Variants in GRIK2 observed in about 807,000 individuals in gnomAD.
The protein encoded by GRIK2 is glutamate ionotropic receptor kainate type subunit 2.
In GRIK2, 32 loss-of-function variants were observed where a neutral mutation model predicts 100.3. That is an observed-to-expected ratio of 0.32 (90% CI 0.24 to 0.43). The LOEUF (loss-of-function observed/expected upper bound fraction) is 0.43. Among genes scored for constraint, GRIK2 ranks in the 20% least tolerant of loss-of-function variants. The pLI, the probability that GRIK2 is intolerant of heterozygous loss-of-function variation, is 1.00. For missense variants in GRIK2, 843 were observed against 1,114.9 expected, an observed-to-expected ratio of 0.76 and a Z score of 3.47; for synonymous variants, 417 against 389.4, an observed-to-expected ratio of 1.07 and a Z score of -0.83.
chr6:101,739,906 G>A (rs2128376827), intron 7 of GRIK2, among the ~76,000 whole-genome samples: 1 of 152,168 alleles, frequency 6.6e-6, no homozygotes, highest in African/African-American at 2.4e-5. Context: ...TGGTTTTGGA[G>A]CAGGGATTTT....
Position 101,686,265 on chromosome 6 carries a change from A to C in GRIK2, c.863A>C (p.Gln288Pro), listed in dbSNP as rs1288278309. ...AGAATATTAAATACAGAAAATACCCAAGTCTCCTCCATCATTGAAAAGTGG... is the reference window on the plus strand; with the variant it reads ...AGAATATTAAATACAGAAAATACCCCAGTCTCCTCCATCATTGAAAAGTGG... ...GFRILNTENT[Q>P]VSSIIEKWSM... is the part of the protein sequence containing the mutation. Residue 288 changes from glutamine to proline, a missense_variant, in exon 7 of 17, where the codon CAA (glutamine) becomes CCA (proline). Coordinates refer to ENST00000369134, the MANE Select transcript of GRIK2 (RefSeq NM_021956.5). 1 of 1,612,990 alleles carries C rather than the reference A, an allele frequency of 6.2e-7. No homozygotes were observed. The highest frequency in any genetic ancestry group is 2.2e-5 in the East Asian group (1 of 44,824).
rs1792794180 is a variant in GRIK2 at position 101,967,943 on chromosome 6, T to TAA, written c.2085+39313_2085+39314dup. Among the ~76,000 whole-genome samples, 4 of 146,498 alleles carry TAA rather than the reference T, an allele frequency of 2.7e-5. No individual in the cohort carries two copies. In the South Asian group the frequency reaches 8.8e-4, roughly 32 times the overall value. On this transcript the variant is annotated intron_variant, in intron 14 of 16. Coordinates refer to ENST00000369134, the MANE Select transcript of GRIK2 (RefSeq NM_021956.5). ...ACAACCCCTCCCACCCCCCACCATA[T>TAA]AAACAGTAGGAGAAATAGGAGGAAA... is the stretch of plus-strand genomic sequence containing the variant.
intron 14 of GRIK2, among the ~76,000 whole-genome samples, chr6:102,008,848 G>A (rs1011733081): frequency 6.6e-6 from 1 of 151,628 alleles, no homozygotes; most frequent in Non-Finnish European, 1.5e-5. Flanking sequence ...TAAATCTCAA[G>A]GAAAAAACTT....
At chr6:101,874,291 A>G (rs1250709237) in intron 11 of GRIK2, among the ~76,000 whole-genome samples, 1 of 152,024 alleles carries the variant, frequency 6.6e-6, no homozygotes, top group Admixed American at 6.6e-5. Context: ...TAAGGAAGGG[A>G]TCCAGTTTCA....
intron 4 of GRIK2, among the ~76,000 whole-genome samples, chr6:101,651,869 T>G (rs996847419): frequency 6.6e-6 from 1 of 152,048 alleles, no homozygotes; most frequent in Admixed American, 6.6e-5. Context: ...TGAAATTGGA[T>G]GAGATCATCA....
chr6:101,617,069 A>C (rs1218131013), intron 2 of GRIK2, among the ~76,000 whole-genome samples: 3 of 151,658 alleles, frequency 2.0e-5, no homozygotes, highest in Non-Finnish European at 4.4e-5. Flanking sequence ...TCAAATATTG[A>C]AGCTACATTT....
chr6:101,903,284 A>G (rs12198230), intron 12 of GRIK2, among the ~76,000 whole-genome samples: 14,373 of 151,800 alleles, frequency 0.095, 841 homozygotes, highest in Middle Eastern at 0.2. Flanking sequence ...AAGTGATATT[A>G]TTGGGTATGT....
At chr6:102,058,739 A>G (rs1169713276) in intron 16 of GRIK2, among the ~76,000 whole-genome samples, 3 of 151,504 alleles carry the variant, frequency 2.0e-5, no homozygotes, top group Non-Finnish European at 4.4e-5. Context: ...TTATATTTCA[A>G]AAATAAGGTA....
At chr6:101,956,322 C>G (rs1325109071) in intron 14 of GRIK2, among the ~76,000 whole-genome samples, 4 of 151,982 alleles carry the variant, frequency 2.6e-5, no homozygotes, top group African/African-American at 7.2e-5. Flanking sequence ...AATTTTATAT[C>G]TATTTGGAGA....
intron 9 of GRIK2, among the ~76,000 whole-genome samples, chr6:101,805,015 T>G (rs1246723887): frequency 6.6e-6 from 1 of 151,934 alleles, no homozygotes. Flanking sequence ...CTTTACTTTT[T>G]GTGGACAAAT....
intron 12 of GRIK2, among the ~76,000 whole-genome samples, chr6:101,917,504 C>T (rs1043188323): frequency 7.9e-5 from 12 of 151,390 alleles, no homozygotes; most frequent in South Asian, 2.1e-4. Flanking sequence ...AAGTTTTTAA[C>T]GTATATGGGT....
chr6:101,651,677 T>G (rs754449636), intron 4 of GRIK2, among the ~76,000 whole-genome samples: 11 of 152,036 alleles, frequency 7.2e-5, no homozygotes, highest in Non-Finnish European at 1.3e-4. Flanking sequence ...TACATTAAAG[T>G]GAGAACTTAA....
intron 7 of GRIK2, among the ~76,000 whole-genome samples, chr6:101,724,961 C>G (rs1774756647): frequency 6.6e-6 from 1 of 152,002 alleles, no homozygotes; most frequent in South Asian, 2.1e-4. Context: ...TTTTCTGTCT[C>G]TTTTTCACTT....
chr6:101,619,430 T>A (rs1284296739), intron 2 of GRIK2, among the ~76,000 whole-genome samples: 2 of 151,824 alleles, frequency 1.3e-5, no homozygotes, highest in Non-Finnish European at 2.9e-5. Context: ...GAATTTGAAT[T>A]ATTATTTTAA....
chr6:101,676,022 G>C (rs1283001972), intron 4 of GRIK2, among the ~76,000 whole-genome samples: 1 of 152,106 alleles, frequency 6.6e-6, no homozygotes. Context: ...TTAGGTGCGT[G>C]ATAAAACACA....
At chr6:101,801,942 A>G (rs1780697215) in intron 8 of GRIK2, among the ~76,000 whole-genome samples, 1 of 151,828 alleles carries the variant, frequency 6.6e-6, no homozygotes, top group South Asian at 2.1e-4. Context: ...TTATGAATTT[A>G]GTAGTGGGAT....
intron 2 of GRIK2, among the ~76,000 whole-genome samples, chr6:101,525,671 G>A (rs779887554): frequency 1.3e-5 from 2 of 152,092 alleles, no homozygotes; most frequent in East Asian, 1.9e-4. Context: ...TTCCTTATGC[G>A]TTAGGATGAG....
chr6:101,564,141 T>A (rs540521768), intron 2 of GRIK2, among the ~76,000 whole-genome samples: 1 of 152,344 alleles, frequency 6.6e-6, no homozygotes, highest in South Asian at 2.1e-4. Flanking sequence ...AAGTCACGTT[T>A]AAGCTGGTTT....
At chr6:101,683,895 C>T (rs952242306) in intron 6 of GRIK2, among the ~76,000 whole-genome samples, 6 of 152,302 alleles carry the variant, frequency 3.9e-5, no homozygotes, top group African/African-American at 1.4e-4. Context: ...GTGTCTCTAG[C>T]ATCTATCTTC....
Sources: gnomAD v4.1 joint callset for allele counts (sites outside exome capture counted in the v4.1 genomes callset) on GRCh38, gnomAD v4.1.1 for gene constraint, MANE v1.5 for transcripts, NCBI Gene and HGNC (gene_info 2026-07-23, HGNC 2026-07-21) for gene names.